Variants in GPC5 observed in about 807,000 individuals in gnomAD.
GPC5 encodes glypican-5.
Under a neutral mutation model 53.9 loss-of-function variants are expected in GPC5, and 47 were observed. The ratio of observed to expected loss-of-function variants is 0.87; its 90% CI spans 0.69 to 1.11. The LOEUF is 1.11. GPC5 is among the 50% of genes most tolerant of loss of function. GPC5 has a pLI of 0.00. For synonymous variants in GPC5, 286 were observed against 263.3 expected, an observed-to-expected ratio of 1.09 and a Z score of -0.84; for missense variants, 748 against 713.1, an observed-to-expected ratio of 1.05 and a Z score of -0.56.
At chr13:92,482,047 C>T (rs1228554895) in intron 7 of GPC5, among the ~76,000 whole-genome samples, 4 of 151,936 alleles carry the variant, frequency 2.6e-5, no homozygotes, top group African/African-American at 7.3e-5. Flanking sequence ...AGGAGAATTG[C>T]TTGAACCCTG....
intron 2 of GPC5, among the ~76,000 whole-genome samples, chr13:91,553,843 A>G (rs2030789840): frequency 6.6e-6 from 1 of 152,096 alleles, no homozygotes; most frequent in Non-Finnish European, 1.5e-5. Context: ...TTGATTTTTA[A>G]GAAGAGTGAA....
At chr13:92,763,697 A>C (rs1486281878) in intron 7 of GPC5, among the ~76,000 whole-genome samples, 1 of 152,140 alleles carries the variant, frequency 6.6e-6, no homozygotes, top group African/African-American at 2.4e-5. Flanking sequence ...AATTGGATGT[A>C]AAATGTCCAA....
intron 7 of GPC5, among the ~76,000 whole-genome samples, chr13:92,715,580 C>G (rs989928663): frequency 2.6e-5 from 4 of 152,150 alleles, no homozygotes; most frequent in African/African-American, 9.7e-5. Context: ...AGTAATAATG[C>G]TATCTGGACT....
At chr13:91,472,836 G>A (rs1443807327) in intron 2 of GPC5, among the ~76,000 whole-genome samples, 1 of 152,128 alleles carries the variant, frequency 6.6e-6, no homozygotes, top group Non-Finnish European at 1.5e-5. Flanking sequence ...TTTCACTGTT[G>A]AATTCAACCG....
intron 5 of GPC5, among the ~76,000 whole-genome samples, chr13:91,888,002 A>G (rs1397390180): frequency 1.3e-5 from 2 of 152,106 alleles, no homozygotes; most frequent in South Asian, 4.1e-4. Flanking sequence ...GCAGTACCCT[A>G]CTCTACCAGT....
intron 2 of GPC5, among the ~76,000 whole-genome samples, chr13:91,458,021 A>G (rs1423322965): frequency 6.6e-6 from 1 of 152,192 alleles, no homozygotes; most frequent in Non-Finnish European, 1.5e-5. Context: ...AATGTTTAGA[A>G]AAATATATAG....
At chr13:92,778,589 C>T (rs552173000) in intron 7 of GPC5, among the ~76,000 whole-genome samples, 19 of 152,244 alleles carry the variant, frequency 1.2e-4, no homozygotes, top group African/African-American at 4.1e-4. Context: ...AATTCCAATG[C>T]CACCTCACTA....
At position 91,537,684 on chromosome 13, in the gene GPC5, C is replaced by T. The variant is rs903390383; in HGVS notation, c.325+88762C>T. Among the ~76,000 whole-genome samples, 6 of 152,240 alleles carry T rather than the reference C, an allele frequency of 3.9e-5. No homozygotes were observed. The South Asian group carries it at 8.3e-4, about 21-fold the overall frequency. On this transcript the variant is annotated intron_variant, in intron 2 of 7. Coordinates refer to ENST00000377067, the MANE Select transcript of GPC5 (RefSeq NM_004466.6). Reference sequence around the variant, plus strand: ...AAACATTTGGTGAGGCCAATATTACCCTGATACACAAACCAGACAAACCCA... The same window carrying T: ...AAACATTTGGTGAGGCCAATATTACTCTGATACACAAACCAGACAAACCCA...
chr13:91,563,488 G>T (rs2031381789), intron 2 of GPC5, among the ~76,000 whole-genome samples: 1 of 152,104 alleles, frequency 6.6e-6, no homozygotes. Flanking sequence ...ATCTTTCAGG[G>T]TTGATAGTTA....
chr13:92,803,827 C>T (rs987884446), intron 7 of GPC5, among the ~76,000 whole-genome samples: 2 of 151,910 alleles, frequency 1.3e-5, no homozygotes, highest in African/African-American at 4.8e-5. Context: ...TATTGTTTCT[C>T]TTTACAATGA....
At chr13:91,933,316 A>T (rs2039839274) in intron 6 of GPC5, among the ~76,000 whole-genome samples, 1 of 151,882 alleles carries the variant, frequency 6.6e-6, no homozygotes, top group Non-Finnish European at 1.5e-5. Context: ...CTTGTAACCC[A>T]ATTCATAGTT....
At chr13:92,797,592 C>A (rs1161406959) in intron 7 of GPC5, among the ~76,000 whole-genome samples, 1 of 151,848 alleles carries the variant, frequency 6.6e-6, no homozygotes, top group Non-Finnish European at 1.5e-5. Context: ...AAATACAAAT[C>A]TTTAAATATG....
At chr13:92,374,056 G>T (rs924631200) in intron 7 of GPC5, among the ~76,000 whole-genome samples, 2 of 152,058 alleles carry the variant, frequency 1.3e-5, no homozygotes, top group Non-Finnish European at 2.9e-5. Context: ...AACAAAACCT[G>T]AGCTTTGAAA....
chr13:92,193,978 G>A (rs2042240930), intron 7 of GPC5, among the ~76,000 whole-genome samples: 1 of 152,130 alleles, frequency 6.6e-6, no homozygotes, highest in South Asian at 2.1e-4. Context: ...AATCTGCAGT[G>A]TTTAGTACCA....
intron 7 of GPC5, among the ~76,000 whole-genome samples, chr13:92,262,158 C>T (rs2042772222): frequency 6.6e-6 from 1 of 152,110 alleles, no homozygotes; most frequent in African/African-American, 2.4e-5. Context: ...TCTGCAGGTC[C>T]TTGTACTGCC....
chr13:91,905,578 T>C (rs2039544735), intron 5 of GPC5, among the ~76,000 whole-genome samples: 1 of 152,098 alleles, frequency 6.6e-6, no homozygotes, highest in African/African-American at 2.4e-5. Context: ...TTGAAGGACC[T>C]AGTTAGGAAA....
intron 7 of GPC5, among the ~76,000 whole-genome samples, chr13:92,535,843 A>G (rs536633165): frequency 6.6e-6 from 1 of 152,234 alleles, no homozygotes; most frequent in African/African-American, 2.4e-5. Context: ...GGATGTTGGA[A>G]TATAGCAAGT....
At chr13:91,506,562 G>A (rs1241310576) in intron 2 of GPC5, among the ~76,000 whole-genome samples, 1 of 152,076 alleles carries the variant, frequency 6.6e-6, no homozygotes, top group Non-Finnish European at 1.5e-5. Flanking sequence ...AACTCTTTGA[G>A]TTTATGGATA....
chr13:92,664,274 T>C (rs1886494757), intron 7 of GPC5, among the ~76,000 whole-genome samples: 1 of 151,676 alleles, frequency 6.6e-6, no homozygotes, highest in African/African-American at 2.4e-5. Flanking sequence ...AGAAAAGAAA[T>C]TGGTGGTAGT....
Sources: gnomAD v4.1 joint callset for allele counts (sites outside exome capture counted in the v4.1 genomes callset) on GRCh38, gnomAD v4.1.1 for gene constraint, MANE v1.5 for transcripts, NCBI Gene and HGNC (gene_info 2026-07-23, HGNC 2026-07-21) for gene names.